The following EXD2 variants were observed in gnomAD, a reference collection of about 807,000 sequenced individuals.
The protein encoded by EXD2 is exonuclease 3'-5' domain containing 2.
Under a neutral mutation model 62.5 loss-of-function variants are expected in EXD2, and 40 were observed. The ratio of observed to expected loss-of-function variants is 0.64; its 90% CI spans 0.50 to 0.83. The LOEUF is 0.83. Among genes scored for constraint, EXD2 ranks in the 40% least tolerant of loss-of-function variants. The probability of loss-of-function intolerance (pLI) is 0.00; values close to 1 mark genes in which losing one functional copy is unlikely to be tolerated. For missense variants in EXD2, 671 were observed against 761.8 expected, an observed-to-expected ratio of 0.88 and a Z score of 1.40; for synonymous variants, 239 against 291.9, an observed-to-expected ratio of 0.82 and a Z score of 1.85.
chr14:69,211,609 G>A (rs143673119), intron 3 of EXD2, among the ~76,000 whole-genome samples: 95 of 151,854 alleles, frequency 6.3e-4, no homozygotes, highest in Admixed American at 1.2e-3. Flanking sequence ...AGTAGTAGTC[G>A]TTTATACCAA....
At chr14:69,225,549 T>A (rs1418491712) in intron 3 of EXD2, among the ~76,000 whole-genome samples, 2 of 152,208 alleles carry the variant, frequency 1.3e-5, no homozygotes, top group African/African-American at 4.8e-5. Context: ...GCGTAATTTA[T>A]AAATATATAT....
intron 3 of EXD2, among the ~76,000 whole-genome samples, chr14:69,210,751 C>G (rs1455470966): frequency 6.6e-6 from 1 of 151,732 alleles, no homozygotes. Flanking sequence ...TTGAAGCTGT[C>G]GTGAGCTATG....
At chr14:69,234,195 A>G (rs2043689019) in intron 5 of EXD2, among the ~76,000 whole-genome samples, 1 of 152,026 alleles carries the variant, frequency 6.6e-6, no homozygotes, top group Non-Finnish European at 1.5e-5. Flanking sequence ...TTTGAAACCT[A>G]TTTGTTTTTT....
At chr14:69,236,900 A>C (rs1216530564) in intron 8 of EXD2, among the ~76,000 whole-genome samples, 2 of 152,138 alleles carry the variant, frequency 1.3e-5, no homozygotes, top group African/African-American at 2.4e-5. Context: ...GGTTTTATTC[A>C]TGGAGTATCC....
rs775526650 is a variant in EXD2, at chr14:69,230,512, G to A, written c.631G>A (p.Ala211Thr). ...LCNGLSLKSL[A>T]ETVLNFPLDK... ...TAATGGGCTTAGCCTGAAGTCCCTCGCTGAGACTGTTTTGAACTTTCCCCT... is the reference window on the plus strand; with the variant it reads ...TAATGGGCTTAGCCTGAAGTCCCTCACTGAGACTGTTTTGAACTTTCCCCT... Residue 211 changes from alanine to threonine, a missense_variant, in exon 5 of 10, where the codon GCT (alanine) becomes ACT (threonine). Coordinates refer to ENST00000685843, the MANE Select transcript of EXD2 (RefSeq NM_001193360.2). 3.7e-6 allele frequency: 6 copies of A among 1,613,602 alleles called. No homozygotes were observed. Among genetic ancestry groups the A allele is most frequent in the South Asian group, 2.2e-5 (2 of 91,010 alleles).
chr14:69,197,033 A>G (rs756159541), intron 1 of EXD2, among the ~76,000 whole-genome samples: 5 of 152,078 alleles, frequency 3.3e-5, no homozygotes, highest in Non-Finnish European at 7.4e-5. Context: ...TCAAGTGCTT[A>G]TTGGCCATTT....
In EXD2 at chr14:69,220,253, G is replaced by GTTTTTTTTTTTTTTTTTTTT. The variant is rs869194045; in HGVS notation, c.334-8547_334-8528dup. Reference sequence around the variant, plus strand: ...CTCTCAGCAAGTGTTTTGTCTCTCTGTTTTTTTTTTTTTTTTTTTTTTTTT... The same window carrying GTTTTTTTTTTTTTTTTTTTT: ...CTCTCAGCAAGTGTTTTGTCTCTCTGTTTTTTTTTTTTTTTTTTTTTTTTTTTTTTTTTTTTTTTTTTTTT... On this transcript the variant is annotated intron_variant, in intron 3 of 9. Coordinates refer to ENST00000685843, the MANE Select transcript of EXD2 (RefSeq NM_001193360.2). Among the ~76,000 whole-genome samples, 7 of 35,114 alleles carry GTTTTTTTTTTTTTTTTTTTT rather than the reference G, an allele frequency of 2.0e-4. 1 individual carries two copies. The highest frequency in any genetic ancestry group is 4.9e-4 in the African/African-American group (4 of 8,216). 23.0% of individuals were successfully genotyped at this position (35,114 alleles called of 152,430 possible).
intron 3 of EXD2, among the ~76,000 whole-genome samples, chr14:69,227,061 G>A (rs1366322195): frequency 6.6e-6 from 1 of 152,190 alleles, no homozygotes; most frequent in African/African-American, 2.4e-5. Context: ...AGCTAGTACA[G>A]TAGCAAGAGG....
At chr14:69,225,670 C>A (rs542075815) in intron 3 of EXD2, among the ~76,000 whole-genome samples, 1 of 152,084 alleles carries the variant, frequency 6.6e-6, no homozygotes, top group South Asian at 2.1e-4. Flanking sequence ...TAAAACGTGT[C>A]ACTTTTTAAT....
intron 3 of EXD2, among the ~76,000 whole-genome samples, chr14:69,226,816 G>T (rs1312315939): frequency 6.8e-6 from 1 of 146,032 alleles, no homozygotes; most frequent in African/African-American, 2.5e-5. Context: ...TTGTGATCTT[G>T]ACTATTTCCT....
chr14:69,200,404 A>C (rs2042355068), intron 1 of EXD2, among the ~76,000 whole-genome samples: 1 of 152,130 alleles, frequency 6.6e-6, no homozygotes. Flanking sequence ...TTGTACACTT[A>C]AAAATGGCTA....
Position 69,230,534 on chromosome 14 carries a change from C to G in EXD2, c.653C>G (p.Pro218Arg), listed in dbSNP as rs1197295607. ...KSLAETVLNF[P>R]LDKSLLLRCS... ...CTCGCTGAGACTGTTTTGAACTTTCCCCTTGACAAGTCCCTTCTACTTCGT... is the reference window on the plus strand; with the variant it reads ...CTCGCTGAGACTGTTTTGAACTTTCGCCTTGACAAGTCCCTTCTACTTCGT... Residue 218 changes from proline (P) to arginine (R), a missense_variant, in exon 5 of 10, where the codon CCC (proline) becomes CGC (arginine). Coordinates refer to ENST00000685843, the MANE Select transcript of EXD2 (RefSeq NM_001193360.2). 3 of 1,613,866 alleles carry G rather than the reference C, an allele frequency of 1.9e-6. No individual in the cohort carries two copies. Among genetic ancestry groups the G allele is most frequent in the Non-Finnish European group, 2.5e-6 (3 of 1,179,882 alleles).
Position 69,240,892 on chromosome 14 carries a change from A to G in EXD2, c.1658A>G (p.Asn553Ser), listed in dbSNP as rs371660945. The G allele has an allele frequency of 2.1e-5, 34 of 1,611,820 alleles. No individual in the cohort carries two copies. The highest frequency in any genetic ancestry group is 2.7e-5 in the African/African-American group (2 of 74,870). ...TTTTCATGTTTTGGCAGAATCTCCA[A>G]TGAAAACTATGTTCCTCACGGGCTG... Reference protein sequence around the residue: ...EAASLETRISNENYVPHGLKV... With the variant: ...EAASLETRISSENYVPHGLKV... The change falls in exon 10 of 10, where the codon AAT becomes AGT. Residue 553 changes from asparagine to serine, a missense_variant. Physicochemically the swap from Asn to Ser is conservative, Grantham distance 46. Coordinates refer to ENST00000685843, the MANE Select transcript of EXD2 (RefSeq NM_001193360.2).
At chr14:69,229,622 A>G (rs963630210) in intron 4 of EXD2, among the ~76,000 whole-genome samples, 4 of 152,218 alleles carry the variant, frequency 2.6e-5, no homozygotes, top group African/African-American at 9.7e-5. Flanking sequence ...CTTTAGGCCA[A>G]AAATGATGGT....
intron 9 of EXD2, among the ~76,000 whole-genome samples, chr14:69,240,202 A>G (rs1324246705): frequency 6.6e-6 from 1 of 152,140 alleles, no homozygotes; most frequent in Non-Finnish European, 1.5e-5. Flanking sequence ...GAGGAAGGTC[A>G]TCTTTATTCA....
At chr14:69,196,632 T>A (rs1446286617) in intron 1 of EXD2, among the ~76,000 whole-genome samples, 10 of 151,812 alleles carry the variant, frequency 6.6e-5, no homozygotes, top group Non-Finnish European at 1.5e-4. Flanking sequence ...CTTTTTTTTT[T>A]TTTTTTTGAG....
intron 1 of EXD2, among the ~76,000 whole-genome samples, chr14:69,201,936 C>T (rs1471631632): frequency 7.2e-5 from 11 of 151,922 alleles, no homozygotes; most frequent in Admixed American, 6.6e-4. Flanking sequence ...CCTGCCTCGG[C>T]CTCCCAAAGT....
At position 69,240,893 on chromosome 14, in the gene EXD2, T is replaced by C. The variant is rs924170338; in HGVS notation, c.1659T>C (p.Asn553=). The C allele has an allele frequency of 6.2e-7, 1 of 1,611,960 alleles. No individual in the cohort carries two copies. The change falls in exon 10 of 10, where the codon AAT becomes AAC. Residue 553 remains asparagine, a synonymous_variant. Transcript: ENST00000685843. ...TTTCATGTTTTGGCAGAATCTCCAA[T>C]GAAAACTATGTTCCTCACGGGCTGA... ...EAASLETRIS[N]ENYVPHGLKV...
In EXD2 at chr14:69,230,612, GA is replaced by G. The variant is rs2043540832; in HGVS notation, c.717+15del. ...ACAGAGGACCAGGTACTTCTTATCA[GA>G]GTAGTTGAAGAATGGAAAGTCATTG... On this transcript the variant is annotated intron_variant, in intron 5 of 9. Coordinates refer to ENST00000685843, the MANE Select transcript of EXD2 (RefSeq NM_001193360.2). The G allele has an allele frequency of 6.3e-7, 1 of 1,588,288 alleles. No individual in the cohort carries two copies.
Sources: gnomAD v4.1 joint callset for allele counts (sites outside exome capture counted in the v4.1 genomes callset) on GRCh38, gnomAD v4.1.1 for gene constraint, MANE v1.5 for transcripts, NCBI Gene and HGNC (gene_info 2026-07-23, HGNC 2026-07-21) for gene names.